SORCS1: variants seen among roughly 807,000 people sequenced by gnomAD.
SORCS1 encodes sortilin related VPS10 domain containing receptor 1.
A neutral mutation model predicts 146.1 loss-of-function variants in SORCS1; 60 were observed. The observed-to-expected ratio is 0.41, with a 90% confidence interval of 0.33 to 0.51. SORCS1 has a LOEUF of 0.51. Among genes scored for constraint, SORCS1 ranks in the 20% least tolerant of loss-of-function variants. The pLI, the probability that SORCS1 is intolerant of heterozygous loss-of-function variation, is 0.21. For missense variants in SORCS1, 1,352 were observed against 1,487.6 expected (o/e 0.91, Z 1.50); for synonymous variants, 637 against 584.0 (o/e 1.09, Z -1.31).
intron 18 of SORCS1, among the ~76,000 whole-genome samples, chr10:106,643,359 C>T (rs1490142403): frequency 6.6e-6 from 1 of 152,232 alleles, no homozygotes; most frequent in Non-Finnish European, 1.5e-5. Context: ...TTCAGAGACA[C>T]TCTGTGTCTC....
At chr10:107,114,346 T>G (rs1031973711) in intron 1 of SORCS1, among the ~76,000 whole-genome samples, 1 of 151,972 alleles carries the variant, frequency 6.6e-6, no homozygotes, top group African/African-American at 2.4e-5. Flanking sequence ...TCCAGAAACC[T>G]TGATGAACAA....
intron 2 of SORCS1, among the ~76,000 whole-genome samples, chr10:106,841,340 T>C (rs998290613): frequency 3.3e-5 from 5 of 152,006 alleles, no homozygotes; most frequent in Admixed American, 3.3e-4. Flanking sequence ...TGTGGTGGCA[T>C]GCGCCTGTAA....
intron 24 of SORCS1, among the ~76,000 whole-genome samples, chr10:106,589,242 T>G (rs533166974): frequency 9.2e-5 from 14 of 152,328 alleles, no homozygotes; most frequent in African/African-American, 3.4e-4. Flanking sequence ...ATCCATCTAG[T>G]TAGGCTTTTG....
At chr10:107,076,690 G>A (rs943345284) in intron 1 of SORCS1, among the ~76,000 whole-genome samples, 7 of 152,068 alleles carry the variant, frequency 4.6e-5, no homozygotes, top group African/African-American at 1.2e-4. Flanking sequence ...GCTCTTTGTG[G>A]GTAAATTAAG....
chr10:106,927,103 A>G (rs10786991), intron 2 of SORCS1, among the ~76,000 whole-genome samples: 79,553 of 152,008 alleles, frequency 0.52, 22,412 homozygotes, highest in Non-Finnish European at 0.63. Flanking sequence ...TCATAGCCAG[A>G]CCTTGAGCCT....
At chr10:106,603,933 C>A (rs1846403959) in intron 23 of SORCS1, among the ~76,000 whole-genome samples, 1 of 152,122 alleles carries the variant, frequency 6.6e-6, no homozygotes, top group Non-Finnish European at 1.5e-5. Context: ...AGCACATTAT[C>A]CCCAAGACTG....
chr10:106,978,727 G>A (rs1389392784), intron 1 of SORCS1, among the ~76,000 whole-genome samples: 1 of 151,856 alleles, frequency 6.6e-6, no homozygotes, highest in African/African-American at 2.4e-5. Flanking sequence ...GAACCCAGGA[G>A]GCGGAGGTAG....
At chr10:106,650,000 GA>G (rs1849742252) in intron 18 of SORCS1, among the ~76,000 whole-genome samples, 1 of 151,938 alleles carries the variant, frequency 6.6e-6, no homozygotes, top group African/African-American at 2.4e-5. Context: ...TCACATTCAT[GA>G]ACATAATAAT....
chr10:106,890,785 T>C (rs1489352767), intron 2 of SORCS1, among the ~76,000 whole-genome samples: 4 of 151,130 alleles, frequency 2.6e-5, no homozygotes, highest in Non-Finnish European at 2.9e-5. Flanking sequence ...ACTGGCACCA[T>C]TTGTGGTTTT....
chr10:106,722,337 T>C (rs893662227), intron 6 of SORCS1, among the ~76,000 whole-genome samples: 2 of 152,186 alleles, frequency 1.3e-5, no homozygotes, highest in Admixed American at 1.3e-4. Flanking sequence ...GCGCTTACCT[T>C]ATCCAGATTT....
intron 1 of SORCS1, among the ~76,000 whole-genome samples, chr10:107,155,177 C>A (rs901762324): frequency 6.6e-6 from 1 of 152,240 alleles, no homozygotes; most frequent in Admixed American, 6.5e-5. Context: ...TCCAATAGGT[C>A]TTCACTGTAG....
intron 1 of SORCS1, among the ~76,000 whole-genome samples, chr10:106,989,271 G>GAAAAAAAAAAAAAAAAAAAA (rs1161174866): frequency 1.3e-5 from 1 of 75,672 alleles, no homozygotes. Flanking sequence ...CTCCACCTCA[G>GAAAAAAAAAAAAAAAAAAAA]AAAAAAAAAA....
At chr10:107,005,945 C>A (rs1348710840) in intron 1 of SORCS1, among the ~76,000 whole-genome samples, 1 of 152,088 alleles carries the variant, frequency 6.6e-6, no homozygotes, top group African/African-American at 2.4e-5. Context: ...ATATCAATTG[C>A]CCATTCTTGA....
intron 1 of SORCS1, among the ~76,000 whole-genome samples, chr10:107,081,060 C>A (rs1431055886): frequency 6.6e-6 from 1 of 152,136 alleles, no homozygotes; most frequent in Non-Finnish European, 1.5e-5. Context: ...GAGAAGTCAA[C>A]CAACTTGGTC....
chr10:106,822,025 T>C (rs1242632162), intron 3 of SORCS1, among the ~76,000 whole-genome samples: 3 of 151,738 alleles, frequency 2.0e-5, no homozygotes, highest in East Asian at 1.9e-4. Flanking sequence ...CAAGAAAAGA[T>C]AGGAGGAAGG....
intron 1 of SORCS1, among the ~76,000 whole-genome samples, chr10:107,108,487 C>A (rs570970979): frequency 1.3e-5 from 2 of 152,232 alleles, no homozygotes; most frequent in African/African-American, 4.8e-5. Flanking sequence ...ATGACCAGAT[C>A]TCAAAAGAAC....
At chr10:107,181,033 A>T in the SORCS1 span, among the ~76,000 whole-genome samples, 3 of 152,196 alleles carry the variant, frequency 2.0e-5, no homozygotes, top group Admixed American at 6.5e-5. Context: ...ATAAAATATT[A>T]TAAAATAGTA....
intron 3 of SORCS1, among the ~76,000 whole-genome samples, chr10:106,777,590 C>T (rs911505085): frequency 6.6e-6 from 1 of 152,188 alleles, no homozygotes; most frequent in Non-Finnish European, 1.5e-5. Context: ...ACAGAAGAAG[C>T]TATAAATACG....
intron 21 of SORCS1, among the ~76,000 whole-genome samples, chr10:106,613,001 C>T (rs919036052): frequency 1.3e-5 from 2 of 151,866 alleles, no homozygotes; most frequent in Admixed American, 6.6e-5. Context: ...ACTACCCTCC[C>T]CCATCACATT....
Sources: allele counts gnomAD v4.1 joint callset (sites outside exome capture counted in the v4.1 genomes callset), GRCh38; gene constraint gnomAD v4.1.1; transcripts MANE v1.5; gene names NCBI Gene and HGNC (gene_info 2026-07-23, HGNC 2026-07-21).